Variants in CNOT6L observed in about 807,000 individuals in gnomAD.
CNOT6L encodes the protein CCR4-NOT transcription complex subunit 6 like.
A neutral mutation model predicts 64.0 loss-of-function variants in CNOT6L; 7 were observed. That is an observed-to-expected ratio of 0.11 (90% CI 0.06 to 0.21). The LOEUF is 0.21. Among genes scored for constraint, CNOT6L ranks in the 10% least tolerant of loss-of-function variants. The pLI, the probability that CNOT6L is intolerant of heterozygous loss-of-function variation, is 1.00. For missense variants in CNOT6L, 245 were observed against 669.0 expected (o/e 0.37, Z 6.99); for synonymous variants, 193 against 243.4 (o/e 0.79, Z 1.93).
chr4:77,781,433 A>G (rs2110081671), intron 1 of CNOT6L, among the ~76,000 whole-genome samples: 1 of 152,356 alleles, frequency 6.6e-6, no homozygotes, highest in East Asian at 1.9e-4. Context: ...GCAATATTAT[A>G]TGTAACGCTA....
At chr4:77,768,390 C>T (rs1200417669) in intron 4 of CNOT6L, among the ~76,000 whole-genome samples, 2 of 150,466 alleles carry the variant, frequency 1.3e-5, no homozygotes, top group Non-Finnish European at 3.0e-5. Flanking sequence ...CACTTGAACC[C>T]GTGGGGTAGA....
In CNOT6L at chr4:77,741,150, C is replaced by T. The variant is rs371880632; in HGVS notation, c.872+991G>A. On this transcript the variant is annotated intron_variant, in intron 8 of 11. Coordinates refer to ENST00000504123, the MANE Select transcript of CNOT6L (RefSeq NM_144571.3). Reference sequence around the variant, plus strand: ...TAGTATATTCTGACCTCAAATACTACAAGGCTTTGTACTAATTATTAACCA... The same window carrying T: ...TAGTATATTCTGACCTCAAATACTATAAGGCTTTGTACTAATTATTAACCA... 1.9e-3 allele frequency among the ~76,000 whole-genome samples: 291 copies of T among 152,276 alleles called. 1 individual carries two copies. Among genetic ancestry groups the T allele is most frequent in the Non-Finnish European group, 2.8e-3 (193 of 68,012 alleles).
chr4:77,775,730 A>G (rs1409522911), intron 2 of CNOT6L, among the ~76,000 whole-genome samples: 2 of 152,150 alleles, frequency 1.3e-5, no homozygotes, highest in Non-Finnish European at 2.9e-5. Flanking sequence ...TGACCATGAC[A>G]ATTTTGAGTA....
Position 77,720,257 on chromosome 4 carries a change from A to C in CNOT6L, c.*174T>G. 1.6e-6 allele frequency: 1 copy of C among 623,260 alleles called. No individual in the cohort carries two copies. The highest frequency in any genetic ancestry group is 2.8e-6 in the Non-Finnish European group (1 of 363,340). The allele number at this position is 623,260 out of a possible 1,614,324, so 38.6% of individuals were successfully genotyped here. On this transcript the variant is annotated 3_prime_UTR_variant, in exon 12 of 12. Transcript: ENST00000504123. Reference sequence around the variant, plus strand: ...AGAGTAATACTTTGGTTCCAGCCCTACTGCCAAATGATACCAATATGCACA... The same window carrying C: ...AGAGTAATACTTTGGTTCCAGCCCTCCTGCCAAATGATACCAATATGCACA...
At chr4:77,744,506 T>A (rs1418281500) in intron 7 of CNOT6L, among the ~76,000 whole-genome samples, 1 of 152,170 alleles carries the variant, frequency 6.6e-6, no homozygotes, top group Non-Finnish European at 1.5e-5. Context: ...AGTAAATAAA[T>A]ATAAGTAGGT....
At position 77,713,659 on chromosome 4, in the gene CNOT6L, G is replaced by A. The variant is rs1201309349; in HGVS notation, c.*6772C>T. 3 of 152,548 alleles carry A rather than the reference G, an allele frequency of 2.0e-5. No individual in the cohort carries two copies. The East Asian group carries it at 5.8e-4, about 29-fold the overall frequency. 9.4% of individuals were successfully genotyped at this position (152,548 alleles called of 1,614,324 possible). ...TTAATGAAAAAATACTACCAACCGTGTCCTTTTGCACGCACACTTTGTACA... is the reference window on the plus strand; with the variant it reads ...TTAATGAAAAAATACTACCAACCGTATCCTTTTGCACGCACACTTTGTACA... On this transcript the variant is annotated 3_prime_UTR_variant, in exon 12 of 12. Transcript: ENST00000504123.
chr4:77,748,733 C>T (rs1482705985), intron 5 of CNOT6L, among the ~76,000 whole-genome samples: 1 of 152,114 alleles, frequency 6.6e-6, no homozygotes, highest in Admixed American at 6.5e-5. Context: ...TCAAAGCCAT[C>T]TGAAATTCCA....
intron 5 of CNOT6L, among the ~76,000 whole-genome samples, chr4:77,751,191 AATTATTATTTTAAAAG>A (rs1724824353): frequency 6.6e-6 from 1 of 152,192 alleles, no homozygotes; most frequent in Non-Finnish European, 1.5e-5. Context: ...AATACAGAGA[AATTATTATTTTAAAAG>A]TATCAAATAG....
At chr4:77,804,921 C>G (rs1732050913) in intron 1 of CNOT6L, among the ~76,000 whole-genome samples, 1 of 151,990 alleles carries the variant, frequency 6.6e-6, no homozygotes, top group Non-Finnish European at 1.5e-5. Flanking sequence ...ATATATTGAC[C>G]AGAAACAGGT....
chr4:77,777,615 C>T (rs1296880892), intron 1 of CNOT6L, among the ~76,000 whole-genome samples: 1 of 152,152 alleles, frequency 6.6e-6, no homozygotes, highest in Non-Finnish European at 1.5e-5. Context: ...AAATTAAACT[C>T]CTGCATGCTT....
At chr4:77,765,502 A>C (rs1726730357) in intron 4 of CNOT6L, among the ~76,000 whole-genome samples, 1 of 152,256 alleles carries the variant, frequency 6.6e-6, no homozygotes, top group Non-Finnish European at 1.5e-5. Context: ...TTCAAGGAAT[A>C]CATTAATTCA....
rs72864909 is a variant in CNOT6L, at chr4:77,730,818, G to A, written c.1024+569C>T. Among the ~76,000 whole-genome samples the A allele has an allele frequency of 1.8e-3, 271 of 152,190 alleles. 2 individuals carry two copies. Among genetic ancestry groups the A allele is most frequent in the African/African-American group, 5.4e-3 (226 of 41,554 alleles). ...CTTAAAATGTACTAGTAAACAGTGAGATGCTCAAAGGCAGGCAGTAAGAAG... is the reference window on the plus strand; with the variant it reads ...CTTAAAATGTACTAGTAAACAGTGAAATGCTCAAAGGCAGGCAGTAAGAAG... On this transcript the variant is annotated intron_variant, in intron 9 of 11. Transcript: ENST00000504123.
At chr4:77,754,022 T>G (rs747218728) in intron 5 of CNOT6L, among the ~76,000 whole-genome samples, 42 of 152,098 alleles carry the variant, frequency 2.8e-4, no homozygotes, top group Non-Finnish European at 5.4e-4. Flanking sequence ...ATTATGAAAT[T>G]AGACAAGGAT....
rs1721028669 is a variant in CNOT6L at position 77,719,000 on chromosome 4, G to A, written c.*1431C>T. 6.6e-6 allele frequency: 1 copy of A among 152,360 alleles called. No individual in the cohort carries two copies. The highest frequency in any genetic ancestry group is 6.6e-5 in the Admixed American group (1 of 15,250). The allele number at this position is 152,360 out of a possible 1,614,324, so 9.4% of individuals were successfully genotyped here. A position where few individuals can be genotyped will look rare whatever the true frequency, so the allele number is the denominator to read the frequency against. ...TGAGACTAGAAACAGTAAAGTGCAT[G>A]AAAAGTTTAAAATATAAATTTCAGA... On this transcript the variant is annotated 3_prime_UTR_variant, in exon 12 of 12. Transcript: ENST00000504123.
At chr4:77,725,230 T>C (rs1721711693) in intron 11 of CNOT6L, among the ~76,000 whole-genome samples, 1 of 152,208 alleles carries the variant, frequency 6.6e-6, no homozygotes, top group African/African-American at 2.4e-5. Flanking sequence ...TATTTGTTTC[T>C]TGGACAGGAG....
At chr4:77,738,314 A>G (rs970664346) in intron 8 of CNOT6L, among the ~76,000 whole-genome samples, 2 of 152,242 alleles carry the variant, frequency 1.3e-5, no homozygotes, top group African/African-American at 4.8e-5. Flanking sequence ...CCTCAGGAAC[A>G]GCAAGTCTAG....
chr4:77,814,090 C>T (rs180964896), intron 1 of CNOT6L, among the ~76,000 whole-genome samples: 2 of 152,160 alleles, frequency 1.3e-5, no homozygotes, highest in Non-Finnish European at 2.9e-5. Context: ...ACGGATGAAC[C>T]GTGAAAACAC....
At chr4:77,815,883 G>C (rs1451775167) in intron 1 of CNOT6L, among the ~76,000 whole-genome samples, 1 of 152,146 alleles carries the variant, frequency 6.6e-6, no homozygotes, top group Non-Finnish European at 1.5e-5. Context: ...ATGAAAGCAA[G>C]TAAACTGTCA....
chr4:77,728,133 G>A (rs1161821954), intron 10 of CNOT6L, among the ~76,000 whole-genome samples: 1 of 152,186 alleles, frequency 6.6e-6, no homozygotes, highest in Non-Finnish European at 1.5e-5. Flanking sequence ...GTAGTTTAGT[G>A]GAGCTCAAGA....
Sources: allele counts gnomAD v4.1 joint callset (sites outside exome capture counted in the v4.1 genomes callset), GRCh38; gene constraint gnomAD v4.1.1; transcripts MANE v1.5; gene names NCBI Gene and HGNC (gene_info 2026-07-23, HGNC 2026-07-21).